Variants in CCDC171 observed in about 807,000 individuals in gnomAD.
CCDC171 encodes the protein coiled-coil domain-containing protein 171.
A neutral mutation model predicts 168.2 loss-of-function variants in CCDC171; 177 were observed. The ratio of observed to expected loss-of-function variants is 1.05; its 90% CI spans 0.93 to 1.19. The LOEUF (loss-of-function observed/expected upper bound fraction) is 1.19, where lower values mean the gene tolerates loss of function less well. Ranked by LOEUF, CCDC171 falls within the 50% of genes most tolerant of loss-of-function variation. CCDC171 has a pLI of 0.00. For missense variants in CCDC171, 1,991 were observed against 1,539.0 expected, an observed-to-expected ratio of 1.29 and a Z score of -4.91; for synonymous variants, 687 against 540.8, an observed-to-expected ratio of 1.27 and a Z score of -3.75.
At chr9:15,897,146 G>C (rs1197611782) in intron 24 of CCDC171, among the ~76,000 whole-genome samples, 1 of 151,976 alleles carries the variant, frequency 6.6e-6, no homozygotes, top group South Asian at 2.1e-4. Context: ...CAGGATTTGG[G>C]ATATCACTGT....
At chr9:15,708,876 C>T (rs2052444166) in intron 11 of CCDC171, among the ~76,000 whole-genome samples, 1 of 152,108 alleles carries the variant, frequency 6.6e-6, no homozygotes, top group African/African-American at 2.4e-5. Context: ...GTTTTATCAC[C>T]ATGTAATTGA....
rs1014283776 is a variant in CCDC171 at position 15,945,727 on chromosome 9, G to A, written c.3753+25305G>A. Among the ~76,000 whole-genome samples, 8 of 151,100 alleles carry A rather than the reference G, an allele frequency of 5.3e-5. No individual in the cohort carries two copies. In the South Asian group the frequency reaches 1.1e-3, roughly 20 times the overall value. On this transcript the variant is annotated intron_variant, in intron 25 of 25. Transcript: ENST00000380701. ...CCTTCACCCCCTTTTTGATGGGGTT[G>A]TTTGTTTTTTTCTTGTAAATTTGTT...
chr9:15,759,841 TATTTA>T (rs1219076110), intron 18 of CCDC171, among the ~76,000 whole-genome samples: 3 of 152,212 alleles, frequency 2.0e-5, no homozygotes, highest in African/African-American at 7.2e-5. Flanking sequence ...TTCTGAGTAA[TATTTA>T]ATTATTTGTA....
chr9:15,941,585 C>G (rs1257607678), intron 25 of CCDC171, among the ~76,000 whole-genome samples: 2 of 151,922 alleles, frequency 1.3e-5, no homozygotes, highest in African/African-American at 4.8e-5. Flanking sequence ...TATACCAACG[C>G]TTGATATTTT....
chr9:15,622,183 T>C (rs2044563920), intron 6 of CCDC171, among the ~76,000 whole-genome samples: 2 of 152,168 alleles, frequency 1.3e-5, no homozygotes, highest in South Asian at 4.1e-4. Flanking sequence ...TTTTGGGTTC[T>C]AGGCTTAGTA....
chr9:15,754,647 A>G (rs919503379), intron 18 of CCDC171, among the ~76,000 whole-genome samples: 2 of 152,120 alleles, frequency 1.3e-5, no homozygotes, highest in Admixed American at 1.3e-4. Context: ...ATTCTGCCTG[A>G]CTTTGAATAC....
intron 21 of CCDC171, among the ~76,000 whole-genome samples, chr9:15,792,891 G>C (rs905298068): frequency 2.0e-5 from 3 of 151,440 alleles, no homozygotes; most frequent in Non-Finnish European, 4.4e-5. Flanking sequence ...AAAGACCATC[G>C]AGGCTAGGAA....
intron 11 of CCDC171, among the ~76,000 whole-genome samples, chr9:15,719,655 CTTTAT>C (rs2053344232): frequency 6.6e-6 from 1 of 152,044 alleles, no homozygotes; most frequent in Non-Finnish European, 1.5e-5. Flanking sequence ...GGAAATAAAA[CTTTAT>C]TTTATTTAGA....
At chr9:15,746,156 T>G (rs377620203) in intron 18 of CCDC171, among the ~76,000 whole-genome samples, 11 of 152,248 alleles carry the variant, frequency 7.2e-5, no homozygotes, top group African/African-American at 2.2e-4. Context: ...AATGCAAGTT[T>G]TTTTTTATGA....
chr9:15,981,101 A>G (rs368581138), intron 3 of CCDC171, among the ~76,000 whole-genome samples: 82 of 152,202 alleles, frequency 5.4e-4, no homozygotes, highest in African/African-American at 1.8e-3. Flanking sequence ...ACGTGCCCCC[A>G]TGATTCAGTT....
intron 25 of CCDC171, among the ~76,000 whole-genome samples, chr9:15,943,989 A>G (rs1192410841): frequency 6.6e-6 from 1 of 152,068 alleles, no homozygotes; most frequent in Non-Finnish European, 1.5e-5. Context: ...ATGTGAACCG[A>G]AACAGGATGC....
chr9:16,014,676 A>G (rs1275452049), intron 3 of CCDC171, among the ~76,000 whole-genome samples: 1 of 152,216 alleles, frequency 6.6e-6, no homozygotes, highest in Non-Finnish European at 1.5e-5. Flanking sequence ...AGGCATAATA[A>G]CAATATCCAT....
chr9:15,922,013 A>G (rs1825392183), intron 25 of CCDC171: 1 of 160,864 alleles, frequency 6.2e-6, no homozygotes, highest in East Asian at 1.7e-4. Context: ...ACCAATTGTT[A>G]CGCTACTGAT....
chr9:15,712,031 C>T (rs541259570), intron 11 of CCDC171, among the ~76,000 whole-genome samples: 1 of 152,150 alleles, frequency 6.6e-6, no homozygotes, highest in Non-Finnish European at 1.5e-5. Flanking sequence ...ACTGGGAGAG[C>T]TGATGATGTA....
chr9:15,583,157 CTGTAA>C (rs1439960978), intron 4 of CCDC171, among the ~76,000 whole-genome samples: 1 of 152,132 alleles, frequency 6.6e-6, no homozygotes, highest in East Asian at 1.9e-4. Context: ...TGGCTCACGC[CTGTAA>C]TCCCAGCACT....
intron 24 of CCDC171, among the ~76,000 whole-genome samples, chr9:15,888,463 C>G (rs1300519645): frequency 1.3e-5 from 2 of 152,278 alleles, no homozygotes; most frequent in Admixed American, 6.5e-5. Flanking sequence ...GCAAACATTT[C>G]TACTGTTTCC....
chr9:15,869,703 C>T (rs918758515), intron 23 of CCDC171, among the ~76,000 whole-genome samples: 15 of 151,492 alleles, frequency 9.9e-5, no homozygotes, highest in East Asian at 5.8e-4. Flanking sequence ...GAAAGTTAGC[C>T]GTGGTCAGGA....
In CCDC171 at chr9:15,564,182, C is replaced by G. The variant is rs1196064984; in HGVS notation, c.41+53C>G. ...GATGAACGTTTTTAGTTGCAAGGAA[C>G]AGGGAGAAGTCAGTGGTTGTAGAGC... is the stretch of plus-strand genomic sequence containing the variant. On this transcript the variant is annotated intron_variant, in intron 2 of 25. Coordinates refer to ENST00000380701, the MANE Select transcript of CCDC171 (RefSeq NM_173550.4). 5.9e-6 allele frequency: 8 copies of G among 1,365,180 alleles called. No homozygotes were observed. The East Asian group carries it at 1.8e-4, about 32-fold the overall frequency. The allele number at this position is 1,365,180 out of a possible 1,614,324, so 84.6% of individuals were successfully genotyped here.
chr9:15,852,850 T>C (rs2061191352), intron 23 of CCDC171, among the ~76,000 whole-genome samples: 2 of 151,714 alleles, frequency 1.3e-5, no homozygotes, highest in Admixed American at 1.3e-4. Flanking sequence ...TCCCATTGAA[T>C]GATCATGTTG....
Sources: allele counts gnomAD v4.1 joint callset (sites outside exome capture counted in the v4.1 genomes callset), GRCh38; gene constraint gnomAD v4.1.1; transcripts MANE v1.5; gene names NCBI Gene and HGNC (gene_info 2026-07-23, HGNC 2026-07-21).